Variants in PUM2 observed in about 807,000 individuals in gnomAD.
The protein encoded by PUM2 is pumilio homolog 2.
In PUM2, 57 loss-of-function variants were observed where a neutral mutation model predicts 124.5. That is an observed-to-expected ratio of 0.46 (90% CI 0.37 to 0.57). The LOEUF is 0.57. PUM2 is among the 20% of genes least tolerant of loss of function. The probability of loss-of-function intolerance (pLI) is 0.00; values close to 1 mark genes in which losing one functional copy is unlikely to be tolerated. For synonymous variants in PUM2, 460 were observed against 446.1 expected, an observed-to-expected ratio of 1.03 and a Z score of -0.39; for missense variants, 1,065 against 1,290.6, an observed-to-expected ratio of 0.83 and a Z score of 2.68.
intron 2 of PUM2, among the ~76,000 whole-genome samples, chr2:20,323,329 T>TC (rs1682832993): frequency 6.6e-6 from 1 of 151,536 alleles, no homozygotes; most frequent in South Asian, 2.1e-4. Flanking sequence ...ACGCCTGCGG[T>TC]CCCAGCTACT....
At chr2:20,278,920 T>C in intron 12 of PUM2, 101 bp from the exon 13 acceptor site, 1 of 830,034 alleles carries the variant, frequency 1.2e-6, no homozygotes. Context: ...TCACAATAAT[T>C]ATTTTTAGAA....
rs1663102220 is a variant in PUM2 at position 20,250,734 on chromosome 2, C to T, written c.*851G>A. 1 of 152,348 alleles carries T rather than the reference C, an allele frequency of 6.6e-6. No individual in the cohort carries two copies. The highest frequency in any genetic ancestry group is 1.5e-5 in the Non-Finnish European group (1 of 67,980). 9.4% of individuals were successfully genotyped at this position (152,348 alleles called of 1,614,324 possible). ...AAAGCTCAACACTTCCTCAACATGT[C>T]TGTAATTCTATAAGCAAAACAAAAT... On this transcript the variant is annotated 3_prime_UTR_variant, in exon 21 of 21. Transcript: ENST00000361078.
At chr2:20,274,957 C>CA (rs774985208) in intron 13 of PUM2, among the ~76,000 whole-genome samples, 791 of 31,444 alleles carry the variant, frequency 0.025, 168 homozygotes, top group Admixed American at 0.23. Context: ...GAAGTATCTC[C>CA]AAAAAAAAAA....
intron 10 of PUM2, among the ~76,000 whole-genome samples, chr2:20,285,453 C>T (rs1672509101): frequency 6.6e-6 from 1 of 152,178 alleles, no homozygotes; most frequent in South Asian, 2.1e-4. Flanking sequence ...TGGTTCCTGG[C>T]TGTCTTTCTA....
intron 10 of PUM2, among the ~76,000 whole-genome samples, chr2:20,289,880 A>G (rs1387060381): frequency 1.3e-5 from 2 of 152,248 alleles, no homozygotes; most frequent in African/African-American, 4.8e-5. Flanking sequence ...TAAGTAACCC[A>G]TATACGGACA....
At position 20,308,072 on chromosome 2, in the gene PUM2, C is replaced by T; in HGVS notation, c.790-1G>A. 1 of 1,604,888 alleles carries T rather than the reference C, an allele frequency of 6.2e-7. No individual in the cohort carries two copies. Among genetic ancestry groups the T allele is most frequent in the Non-Finnish European group, 8.5e-7 (1 of 1,173,094 alleles). ...TTAGTGCATTAGTCCTCTGAAAGAG[C>T]TATTAGGGAAAATATTTAACACAAA... On this transcript the variant is annotated splice_acceptor_variant, in intron 6 of 20. Coordinates refer to ENST00000361078, the MANE Select transcript of PUM2 (RefSeq NM_015317.5). LOFTEE classifies it high-confidence loss of function.
intron 13 of PUM2, among the ~76,000 whole-genome samples, chr2:20,267,733 T>C (rs1668037854): frequency 6.6e-6 from 1 of 151,746 alleles, no homozygotes; most frequent in South Asian, 2.1e-4. Flanking sequence ...GGTCCAATGG[T>C]CCAAAAGGTA....
At chr2:20,284,248 A>C (rs1326622352) in intron 10 of PUM2, among the ~76,000 whole-genome samples, 1 of 152,236 alleles carries the variant, frequency 6.6e-6, no homozygotes, top group Non-Finnish European at 1.5e-5. Context: ...TCAGAGCAGT[A>C]ATAAGGCTTT....
chr2:20,347,178 G>A (rs1301687249), intron 1 of PUM2, among the ~76,000 whole-genome samples: 1 of 152,168 alleles, frequency 6.6e-6, no homozygotes, highest in Non-Finnish European at 1.5e-5. Flanking sequence ...AGCTAAACTT[G>A]CAGAATGGAA....
chr2:20,349,994 G>C (rs1479867110), intron 1 of PUM2, among the ~76,000 whole-genome samples: 1 of 152,142 alleles, frequency 6.6e-6, no homozygotes, highest in Non-Finnish European at 1.5e-5. Flanking sequence ...CAAAACTACT[G>C]CTCAAATAGT....
intron 7 of PUM2, among the ~76,000 whole-genome samples, chr2:20,306,767 C>A (rs913091411): frequency 2.0e-5 from 3 of 151,830 alleles, no homozygotes; most frequent in Non-Finnish European, 4.4e-5. Flanking sequence ...ACTGCTAAGC[C>A]CAGCTAATTT....
intron 13 of PUM2, among the ~76,000 whole-genome samples, chr2:20,274,781 C>T (rs1209952159): frequency 1.3e-5 from 2 of 151,166 alleles, no homozygotes; most frequent in Admixed American, 6.6e-5. Context: ...GTAAGTTCCA[C>T]ATCAATCAAA....
chr2:20,254,626 T>C (rs987965213), intron 19 of PUM2, among the ~76,000 whole-genome samples: 3 of 152,156 alleles, frequency 2.0e-5, no homozygotes, highest in Admixed American at 1.3e-4. Flanking sequence ...GCATTTCCAG[T>C]GTCGGGAGTA....
intron 20 of PUM2, among the ~76,000 whole-genome samples, chr2:20,253,265 G>C (rs1032002543): frequency 1.3e-5 from 2 of 152,158 alleles, no homozygotes; most frequent in African/African-American, 4.8e-5. Flanking sequence ...GAGTGCACTG[G>C]CATGAACACA....
chr2:20,312,101 A>G, intron 4 of PUM2, 135 bp downstream of exon 4: 1 of 758,210 alleles, frequency 1.3e-6, no homozygotes, highest in South Asian at 2.1e-5. Flanking sequence ...TAAGCAGAAG[A>G]ATAGCAATAA....
chr2:20,306,695 G>A (rs116503210), intron 7 of PUM2, among the ~76,000 whole-genome samples: 1,926 of 147,488 alleles, frequency 0.013, 52 homozygotes, highest in African/African-American at 0.045. Context: ...TGCAGCCTCC[G>A]TCTCCCAGGT....
At chr2:20,276,074 T>G (rs925962127) in intron 13 of PUM2, among the ~76,000 whole-genome samples, 3 of 151,994 alleles carry the variant, frequency 2.0e-5, no homozygotes, top group Non-Finnish European at 4.4e-5. Context: ...TTCATGCATC[T>G]AACTTTAATA....
At position 20,250,721 on chromosome 2, in the gene PUM2, T is replaced by C. The variant is rs979553727; in HGVS notation, c.*864A>G. On this transcript the variant is annotated 3_prime_UTR_variant, in exon 21 of 21. Transcript: ENST00000361078. ...GAAAAAGCAAAATAAAGCTCAACAC[T>C]TCCTCAACATGTCTGTAATTCTATA... 6.6e-6 allele frequency: 1 copy of C among 152,332 alleles called. No individual in the cohort carries two copies. The highest frequency in any genetic ancestry group is 1.5e-5 in the Non-Finnish European group (1 of 67,990). The allele number at this position is 152,332 out of a possible 1,614,324, so 9.4% of individuals were successfully genotyped here.
At chr2:20,275,484 A>G (rs934086571) in intron 13 of PUM2, among the ~76,000 whole-genome samples, 3 of 152,132 alleles carry the variant, frequency 2.0e-5, no homozygotes, top group African/African-American at 7.2e-5. Flanking sequence ...GTTCCAGATA[A>G]TAAATGAATA....
Sources: gnomAD v4.1 joint callset for allele counts (sites outside exome capture counted in the v4.1 genomes callset) on GRCh38, gnomAD v4.1.1 for gene constraint, MANE v1.5 for transcripts, NCBI Gene and HGNC (gene_info 2026-07-23, HGNC 2026-07-21) for gene names.